The following GASK1B variants were observed in gnomAD, a reference collection of about 807,000 sequenced individuals.
GASK1B encodes the protein golgi associated kinase 1B.
A neutral mutation model predicts 42.8 loss-of-function variants in GASK1B; 34 were observed. That is an observed-to-expected ratio of 0.79 (90% confidence interval 0.60 to 1.06). GASK1B has a LOEUF of 1.06. Among genes scored for constraint, GASK1B ranks in the 50% least tolerant of loss-of-function variants. GASK1B has a pLI of 0.00. For missense variants in GASK1B, 686 were observed against 661.0 expected (o/e 1.04, Z -0.42); for synonymous variants, 262 against 259.1 (o/e 1.01, Z -0.11).
chr4:158,170,513 A>G lies in GASK1B; in HGVS notation c.863T>C (p.Leu288Pro). 6.2e-7 allele frequency: 1 copy of G among 1,614,258 alleles called. No homozygotes were observed. The highest frequency in any genetic ancestry group is 8.5e-7 in the Non-Finnish European group (1 of 1,180,038). The change falls in exon 2 of 5, where the codon CTC (leucine) becomes CCC (proline). Residue 288 changes from leucine to proline, a missense_variant. By Grantham distance (98) the Leu-to-Pro change is moderately conservative. Coordinates refer to ENST00000585682, the MANE Select transcript of GASK1B (RefSeq NM_001128424.2). Reference protein sequence around the residue: ...FAFHLDRILGLNRTLPSVSRK... With the variant: ...FAFHLDRILGPNRTLPSVSRK... ...GCTCACAGACGGCAGGGTCCTGTTGAGCCCCAGGATCCTGTCTAGGTGGAA... is the reference window on the plus strand; with the variant it reads ...GCTCACAGACGGCAGGGTCCTGTTGGGCCCCAGGATCCTGTCTAGGTGGAA...
intron 3 of GASK1B, among the ~76,000 whole-genome samples, chr4:158,147,284 C>T (rs935665102): frequency 6.6e-6 from 1 of 151,996 alleles, no homozygotes; most frequent in Non-Finnish European, 1.5e-5. Context: ...ATTCAATACA[C>T]TTTTTTGATT....
chr4:158,141,992 C>T (rs1280912363), intron 3 of GASK1B, among the ~76,000 whole-genome samples: 1 of 104,414 alleles, frequency 9.6e-6, no homozygotes, highest in African/African-American at 3.6e-5. Flanking sequence ...GGCCGGACTG[C>T]GGACTGCAGT....
chr4:158,164,314 T>C (rs1732144146), intron 2 of GASK1B, among the ~76,000 whole-genome samples: 2 of 152,232 alleles, frequency 1.3e-5, no homozygotes, highest in Non-Finnish European at 2.9e-5. Flanking sequence ...ATGCATCTTT[T>C]ATGCTGTGGG....
intron 2 of GASK1B, among the ~76,000 whole-genome samples, chr4:158,159,309 C>CT (rs1445564393): frequency 2.6e-5 from 4 of 152,142 alleles, no homozygotes; most frequent in African/African-American, 9.6e-5. Context: ...TACAGGCCTT[C>CT]TTGCTACATA....
At chr4:158,166,153 G>A (rs545837559) in intron 2 of GASK1B, among the ~76,000 whole-genome samples, 1 of 152,114 alleles carries the variant, frequency 6.6e-6, no homozygotes, top group Non-Finnish European at 1.5e-5. Context: ...TTCCTCAAGT[G>A]CACCCTTCTC....
In GASK1B at chr4:158,170,785, C is replaced by CTGCA. The variant is rs753610574; in HGVS notation, c.587_590dup (p.Gln197HisfsTer11). On this transcript the variant is annotated frameshift_variant, in exon 2 of 5. Coordinates refer to ENST00000585682, the MANE Select transcript of GASK1B (RefSeq NM_001128424.2). LOFTEE classifies it high-confidence loss of function. ...TAATGTTGCTCTCCCTGGAGCTGGG[C>CTGCA]TGCAGGAAGTCTGGGCCCCCGGCTC... The CTGCA allele has an allele frequency of 8.7e-6, 14 of 1,614,214 alleles. No individual in the cohort carries two copies. The highest frequency in any genetic ancestry group is 1.1e-5 in the Non-Finnish European group (13 of 1,180,030).
At chr4:158,145,849 G>T (rs1731310725) in intron 3 of GASK1B, among the ~76,000 whole-genome samples, 1 of 152,006 alleles carries the variant, frequency 6.6e-6, no homozygotes, top group African/African-American at 2.4e-5. Flanking sequence ...GCCTTTTTTT[G>T]ACAGTAGAAA....
Position 158,170,571 on chromosome 4 carries a change from T to C in GASK1B, c.805A>G (p.Lys269Glu). The C allele has an allele frequency of 6.2e-7, 1 of 1,614,104 alleles. No individual in the cohort carries two copies. Among genetic ancestry groups the C allele is most frequent in the Non-Finnish European group, 8.5e-7 (1 of 1,180,018 alleles). ...RCGPSPCGLLKQPLDMSEVFA... is the reference protein window; with the variant it reads ...RCGPSPCGLLEQPLDMSEVFA... ...ACCTCACTCATGTCCAAGGGCTGCTTGAGAAGCCCACAGGGGCTAGGGCCA... is the reference window on the plus strand; with the variant it reads ...ACCTCACTCATGTCCAAGGGCTGCTCGAGAAGCCCACAGGGGCTAGGGCCA... Residue 269 changes from lysine to glutamate, a missense_variant, in exon 2 of 5, where the codon AAG (lysine) becomes GAG (glutamate). Transcript: ENST00000585682.
Position 158,171,122 on chromosome 4 carries a change from G to A in GASK1B, c.254C>T (p.Pro85Leu). The A allele has an allele frequency of 6.2e-7, 1 of 1,609,200 alleles. No homozygotes were observed. Among genetic ancestry groups the A allele is most frequent in the Non-Finnish European group, 8.5e-7 (1 of 1,176,414 alleles). Residue 85 changes from proline (P) to leucine (L), a missense_variant, in exon 2 of 5, where the codon CCC becomes CTC. Transcript: ENST00000585682. ...DTAEPSFPEIPLDGTLAPPES... is the reference protein window; with the variant it reads ...DTAEPSFPEILLDGTLAPPES... ...TGGAGGGGCCAGGGTACCATCCAGG[G>A]GTATCTCAGGGAAGGATGGCTCGGC... is the stretch of plus-strand genomic sequence containing the variant.
chr4:158,170,780 C>G lies in GASK1B; in HGVS notation c.596G>C (p.Ser199Thr), dbSNP rs1156478959. The G allele has an allele frequency of 3.1e-6, 5 of 1,614,218 alleles. No homozygotes were observed. In the Admixed American group the frequency reaches 8.3e-5, roughly 27 times the overall value. The part of the protein sequence containing the change: ...RAGGPDFLQP[S>T]SRESNIRIYS... ...GATCCTAATGTTGCTCTCCCTGGAGCTGGGCTGCAGGAAGTCTGGGCCCCC... is the reference window on the plus strand; with the variant it reads ...GATCCTAATGTTGCTCTCCCTGGAGGTGGGCTGCAGGAAGTCTGGGCCCCC... Residue 199 changes from serine (S) to threonine (T), a missense_variant, in exon 2 of 5, where the codon AGC becomes ACC. Physicochemically the swap from Ser to Thr is moderately conservative, Grantham distance 58. Transcript: ENST00000585682.
At chr4:158,136,744 C>T (rs1730906300) in intron 3 of GASK1B, among the ~76,000 whole-genome samples, 1 of 152,152 alleles carries the variant, frequency 6.6e-6, no homozygotes, top group Admixed American at 6.5e-5. Context: ...CTCACCATCT[C>T]TTTTCAAATG....
intron 3 of GASK1B, among the ~76,000 whole-genome samples, chr4:158,149,592 CCTAAT>C (rs33961531): frequency 0.88 from 134,142 of 151,918 alleles, 60,372 homozygotes; most frequent in East Asian, 0.98. Flanking sequence ...TTTCCATTGT[CCTAAT>C]CATTCTCAGG....
intron 2 of GASK1B, chr4:158,170,121 C>G: frequency 9.8e-7 from 1 of 1,024,684 alleles, no homozygotes. Flanking sequence ...TCAGCAAGTT[C>G]TTTGCCTCCA....
intron 3 of GASK1B, among the ~76,000 whole-genome samples, chr4:158,142,953 C>A (rs1036306017): frequency 6.6e-6 from 1 of 152,134 alleles, no homozygotes; most frequent in Non-Finnish European, 1.5e-5. Context: ...ACACACCAAC[C>A]AATCACAAAG....
intron 2 of GASK1B, among the ~76,000 whole-genome samples, chr4:158,161,098 T>G (rs1731975192): frequency 6.6e-6 from 1 of 151,908 alleles, no homozygotes; most frequent in African/African-American, 2.4e-5. Context: ...AAGAATATAT[T>G]TACAATGTTT....
rs560278838 is a variant in GASK1B, at chr4:158,126,014, C to T, written c.*1393G>A. The T allele has an allele frequency of 2.9e-4, 44 of 151,914 alleles. No individual in the cohort carries two copies. Among genetic ancestry groups the T allele is most frequent in the African/African-American group, 9.7e-4 (40 of 41,442 alleles). The allele number at this position is 151,914 out of a possible 1,614,324, so 9.4% of individuals were successfully genotyped here. ...TGTGGTGTATTTCAGCAATAACAGA[C>T]GTAACCGTGAAAAGACAGGAGAGAA... is the stretch of plus-strand genomic sequence containing the variant. On this transcript the variant is annotated 3_prime_UTR_variant, in exon 5 of 5. Coordinates refer to ENST00000585682, the MANE Select transcript of GASK1B (RefSeq NM_001128424.2).
intron 3 of GASK1B, among the ~76,000 whole-genome samples, chr4:158,155,215 C>T (rs1465500386): frequency 2.0e-5 from 3 of 151,948 alleles, no homozygotes; most frequent in African/African-American, 7.3e-5. Context: ...AGACAGTGGG[C>T]CCTGAAAGAA....
chr4:158,163,059 T>C (rs1381223893), intron 2 of GASK1B, among the ~76,000 whole-genome samples: 2 of 152,210 alleles, frequency 1.3e-5, no homozygotes, highest in Admixed American at 1.3e-4. Context: ...TGTTGTGACA[T>C]TTAATAAGAT....
intron 2 of GASK1B, chr4:158,169,969 A>G (rs72695738): frequency 0.11 from 47,000 of 437,560 alleles, 2,962 homozygotes; most frequent in African/African-American, 0.18. Flanking sequence ...TGAAAAAAAA[A>G]GGGGGGGTTA....
Sources: gnomAD v4.1 joint callset for allele counts (sites outside exome capture counted in the v4.1 genomes callset) on GRCh38, gnomAD v4.1.1 for gene constraint, MANE v1.5 for transcripts, NCBI Gene and HGNC (gene_info 2026-07-23, HGNC 2026-07-21) for gene names.